The following DMD variants were observed in gnomAD, a reference collection of about 807,000 sequenced individuals.
The protein encoded by DMD is mutant dystrophin.
A neutral mutation model predicts 330.1 loss-of-function variants in DMD; 63 were observed. The observed-to-expected ratio is 0.19, with a 90% CI of 0.16 to 0.24. DMD has a LOEUF of 0.24. DMD is among the 10% of genes least tolerant of loss of function. The pLI, the probability that DMD is intolerant of heterozygous loss-of-function variation, is 1.00. For synonymous variants in DMD, 1,223 were observed against 959.8 expected, an observed-to-expected ratio of 1.27 and a Z score of -5.07; for missense variants, 3,344 against 2,684.1, an observed-to-expected ratio of 1.25 and a Z score of -5.43.
intron 9 of DMD, among the ~76,000 whole-genome samples, chrX:32,647,914 T>G (rs760174647): frequency 6.2e-5 from 7 of 112,035 alleles, no homozygotes; most frequent in Non-Finnish European, 1.3e-4. Flanking sequence ...AAACATTATT[T>G]AACTCTTTTT....
chrX:32,466,423 T>C (rs948452485), intron 23 of DMD, among the ~76,000 whole-genome samples: 15 of 111,481 alleles, frequency 1.3e-4, no homozygotes, highest in African/African-American at 4.6e-4. Flanking sequence ...ACCTTTCCCA[T>C]ACTGTTTAAT....
intron 54 of DMD, among the ~76,000 whole-genome samples, chrX:31,628,915 C>CATATATATATATATATATAT (rs10524146): frequency 0.015 from 1,227 of 82,426 alleles, 15 homozygotes; most frequent in Middle Eastern, 0.023. Flanking sequence ...TATTTTTGAT[C>CATATATATATATATATATAT]ATATATATAT....
At chrX:33,174,034 C>CAAAAA (rs200540950) in intron 1 of DMD, among the ~76,000 whole-genome samples, 4 of 52,798 alleles carry the variant, frequency 7.6e-5, no homozygotes, top group Non-Finnish European at 8.8e-5. Flanking sequence ...TTGGTAACTA[C>CAAAAA]AAAAAAAAAA....
intron 16 of DMD, among the ~76,000 whole-genome samples, chrX:32,555,939 G>C (rs966876448): frequency 1.5e-4 from 17 of 111,722 alleles, no homozygotes; most frequent in African/African-American, 5.5e-4. Flanking sequence ...AATGGCAAAA[G>C]CAACTGCAAC....
chrX:33,014,383 T>C (rs73188274), intron 2 of DMD, among the ~76,000 whole-genome samples: 236 of 112,070 alleles, frequency 2.1e-3, no homozygotes, highest in Non-Finnish European at 3.6e-3. Context: ...ATATCAGCTA[T>C]GACCAAAATG....
chrX:33,147,745 G>T (rs748023197), intron 1 of DMD, among the ~76,000 whole-genome samples: 2 of 111,014 alleles, frequency 1.8e-5, no homozygotes, highest in Non-Finnish European at 3.8e-5. Flanking sequence ...CCTTAAATGA[G>T]AATTGGTCTC....
chrX:33,317,307 C>T (rs2148952776), intron 1 of DMD, among the ~76,000 whole-genome samples: 1 of 111,000 alleles, frequency 9.0e-6, no homozygotes, highest in Admixed American at 9.6e-5. Flanking sequence ...CCACAGGCAG[C>T]CTTTGGAAAT....
At chrX:32,685,385 C>T (rs1034658554) in intron 9 of DMD, among the ~76,000 whole-genome samples, 7 of 111,592 alleles carry the variant, frequency 6.3e-5, no homozygotes, top group African/African-American at 2.3e-4. Context: ...ATAATTGCCA[C>T]TGGATTTAGC....
chrX:32,371,699 G>T (rs974336630), intron 34 of DMD, among the ~76,000 whole-genome samples: 7 of 110,768 alleles, frequency 6.3e-5, no homozygotes, highest in African/African-American at 2.3e-4. Context: ...ATGTTTTCGT[G>T]ATCAATTCAT....
At chrX:32,628,566 G>C (rs1162995383) in intron 11 of DMD, among the ~76,000 whole-genome samples, 1 of 109,025 alleles carries the variant, frequency 9.2e-6, no homozygotes, top group Non-Finnish European at 1.9e-5. Context: ...CTAATTTTGG[G>C]TTTGGTTTGC....
chrX:31,917,706 A>C, intron 47 of DMD, among the ~76,000 whole-genome samples: 1 of 112,453 alleles, frequency 8.9e-6, no homozygotes, highest in Middle Eastern at 4.6e-3. Context: ...ATTTCACAGT[A>C]ATTTATATTA....
chrX:31,444,566 C>T lies in DMD; in HGVS notation c.8999G>A (p.Arg3000His), dbSNP rs772695216. 16 of 1,211,389 alleles carry T rather than the reference C, an allele frequency of 1.3e-5. No individual in the cohort carries two copies. In the South Asian group the frequency reaches 2.1e-4, roughly 16 times the overall value. Residue 3000 changes from arginine to histidine, a missense_variant, in exon 60 of 79, where the codon CGC becomes CAC. Physicochemically the swap from Arg to His is conservative, Grantham distance 29. Transcript: ENST00000357033. ...ENVSHVNDLARQLTTLGIQLS... is the reference protein window; with the variant it reads ...ENVSHVNDLAHQLTTLGIQLS... ...CTGAATGCCCAAAGTGGTAAGCTGG[C>T]GAGCAAGGTCATTGACGTGGCTCAC...
chrX:32,299,197 T>G (rs1341663375), intron 42 of DMD, among the ~76,000 whole-genome samples: 1 of 110,632 alleles, frequency 9.0e-6, no homozygotes, highest in African/African-American at 3.3e-5. Context: ...TCGGTCCAGC[T>G]ATGCTGAACA....
At chrX:32,649,559 T>TAAAAA (rs1161462889) in intron 9 of DMD, among the ~76,000 whole-genome samples, 2 of 54,252 alleles carry the variant, frequency 3.7e-5, no homozygotes, top group African/African-American at 2.5e-4. Flanking sequence ...CCGTCTCTTT[T>TAAAAA]AAAAAAAAAA....
chrX:32,792,910 A>G (rs2075924895), intron 7 of DMD, among the ~76,000 whole-genome samples: 2 of 112,157 alleles, frequency 1.8e-5, no homozygotes, highest in Admixed American at 9.5e-5. Flanking sequence ...TTAGACAAAA[A>G]ATTAACAAAG....
intron 2 of DMD, among the ~76,000 whole-genome samples, chrX:32,902,751 A>G (rs768939675): frequency 1.4e-4 from 16 of 110,996 alleles, no homozygotes; most frequent in Non-Finnish European, 2.6e-4. Flanking sequence ...TATATAGGAG[A>G]AAGAGAAAAA....
chrX:32,897,824 C>A (rs1453998193), intron 2 of DMD, among the ~76,000 whole-genome samples: 1 of 109,995 alleles, frequency 9.1e-6, no homozygotes, highest in Non-Finnish European at 1.9e-5. Flanking sequence ...TTTAATTAGT[C>A]TTCCCCCTCT....
chrX:31,174,926 T>G (rs6631255), intron 71 of DMD, among the ~76,000 whole-genome samples: 1,432 of 111,416 alleles, frequency 0.013, 25 homozygotes, highest in African/African-American at 0.042. Flanking sequence ...CAAATTGAAA[T>G]GAGTTATAAA....
intron 74 of DMD, 138 bp downstream of exon 74, chrX:31,169,305 C>G (rs1235781424): frequency 2.2e-6 from 1 of 461,549 alleles, no homozygotes; most frequent in African/African-American, 2.5e-5. Context: ...GAGAGAGAAT[C>G]TGCAAATGGA....
Sources: gnomAD v4.1 joint callset for allele counts (sites outside exome capture counted in the v4.1 genomes callset) on GRCh38, gnomAD v4.1.1 for gene constraint, MANE v1.5 for transcripts, NCBI Gene and HGNC (gene_info 2026-07-23, HGNC 2026-07-21) for gene names.